The following NALCN variants were observed in gnomAD, a reference collection of about 807,000 sequenced individuals.
NALCN encodes the protein sodium leak channel NALCN.
Under a neutral mutation model 225.3 loss-of-function variants are expected in NALCN, and 111 were observed. That is an observed-to-expected ratio of 0.49 (90% CI 0.42 to 0.58). The LOEUF (loss-of-function observed/expected upper bound fraction) is 0.58. Ranked by LOEUF, NALCN falls within the 20% of genes least tolerant of loss-of-function variation. The probability of loss-of-function intolerance (pLI) is 0.00; values close to 1 mark genes in which losing one functional copy is unlikely to be tolerated. For synonymous variants in NALCN, 764 were observed against 769.0 expected (o/e 0.99, Z 0.11); for missense variants, 1,378 against 2,202.4 (o/e 0.63, Z 7.49).
At chr13:101,245,304 T>C (rs1367549150) in intron 11 of NALCN, among the ~76,000 whole-genome samples, 1 of 152,236 alleles carries the variant, frequency 6.6e-6, no homozygotes, top group Non-Finnish European at 1.5e-5. Context: ...ACTTTTCTTT[T>C]TTTTTGCATT....
intron 17 of NALCN, among the ~76,000 whole-genome samples, chr13:101,138,729 C>T (rs530550338): frequency 3.9e-5 from 6 of 152,292 alleles, no homozygotes; most frequent in East Asian, 3.9e-4. Context: ...TGTCTCACTT[C>T]GGAGAACAGA....
In NALCN at chr13:101,065,525, G is replaced by A. The variant is rs1485549287; in HGVS notation, c.4483C>T (p.Arg1495Trp). 3 of 1,613,980 alleles carry A rather than the reference G, an allele frequency of 1.9e-6. No individual in the cohort carries two copies. Among genetic ancestry groups the A allele is most frequent in the Admixed American group, 1.7e-5 (1 of 60,004 alleles). The change falls in exon 40 of 44, where the codon CGG becomes TGG. Residue 1495 changes from arginine to tryptophan, a missense_variant. By Grantham distance (101) the Arg-to-Trp change is moderately radical. Transcript: ENST00000251127. ...ACCTCCAGCCTCCCACGCAGTAGCC[G>A]CAGCAGGAACTTGACGCGGAACGTG... ...IPTFRVKFLL[R>W]LLRGRLEVDL...
chr13:101,073,782 G>T, intron 36 of NALCN, 105 bp from the exon 37 acceptor site: 1 of 919,216 alleles, frequency 1.1e-6, no homozygotes, highest in East Asian at 2.6e-5. Flanking sequence ...TAGCAAATTT[G>T]GTTGCTAAGT....
intron 6 of NALCN, among the ~76,000 whole-genome samples, chr13:101,367,018 T>C (rs1174172175): frequency 6.6e-6 from 1 of 152,152 alleles, no homozygotes; most frequent in Non-Finnish European, 1.5e-5. Flanking sequence ...CACATATGCG[T>C]GAGATCATGC....
chr13:101,216,430 C>G (rs1012335117), intron 13 of NALCN, among the ~76,000 whole-genome samples: 62 of 152,034 alleles, frequency 4.1e-4, no homozygotes, highest in African/African-American at 1.4e-3. Context: ...GGACAGAGAT[C>G]AGGAAGAGGC....
chr13:101,257,009 C>T (rs538644530), intron 11 of NALCN, among the ~76,000 whole-genome samples: 7 of 152,050 alleles, frequency 4.6e-5, no homozygotes, highest in African/African-American at 7.2e-5. Context: ...GTGATCCACC[C>T]GCCTTGGCCT....
At chr13:101,153,763 T>TA (rs2037769341) in intron 15 of NALCN, among the ~76,000 whole-genome samples, 1 of 152,216 alleles carries the variant, frequency 6.6e-6, no homozygotes. Context: ...CTTTCTGTCT[T>TA]AGTTTTTTCC....
At chr13:101,226,235 C>T (rs2140123180) in intron 13 of NALCN, among the ~76,000 whole-genome samples, 1 of 152,246 alleles carries the variant, frequency 6.6e-6, no homozygotes. Flanking sequence ...AACACGCCAA[C>T]CCTGAGACAG....
At chr13:101,390,119 C>T (rs893752729) in intron 3 of NALCN, among the ~76,000 whole-genome samples, 3 of 151,760 alleles carry the variant, frequency 2.0e-5, no homozygotes, top group African/African-American at 7.3e-5. Flanking sequence ...AATACATAAA[C>T]GTATAAACAG....
At chr13:101,129,413 C>T (rs1490383391) in intron 17 of NALCN, among the ~76,000 whole-genome samples, 1 of 152,140 alleles carries the variant, frequency 6.6e-6, no homozygotes, top group Non-Finnish European at 1.5e-5. Flanking sequence ...CTCTACTGTG[C>T]TCATTGGGAG....
intron 18 of NALCN, among the ~76,000 whole-genome samples, chr13:101,115,402 T>A (rs779628558): frequency 4.3e-4 from 65 of 152,332 alleles, no homozygotes; most frequent in Admixed American, 9.8e-4. Context: ...TTTCTTTAAC[T>A]GGAGATCAGA....
chr13:101,062,209 A>T, intron 40 of NALCN, 91 bp from the exon 41 acceptor site: 1 of 1,428,322 alleles, frequency 7.0e-7, no homozygotes, highest in East Asian at 2.4e-5. Flanking sequence ...GACATCACTC[A>T]GTCTAATAAG....
upstream of NALCN, among the ~76,000 whole-genome samples, chr13:101,416,751 C>CTCAT (rs1424386441): frequency 6.6e-6 from 1 of 151,590 alleles, no homozygotes; most frequent in African/African-American, 2.4e-5. Context: ...CAGCTAGGCT[C>CTCAT]TCATCTGCGA....
intron 13 of NALCN, among the ~76,000 whole-genome samples, chr13:101,219,276 G>GC (rs1226815062): frequency 6.6e-6 from 1 of 152,148 alleles, no homozygotes; most frequent in Non-Finnish European, 1.5e-5. Flanking sequence ...CAAAGTGTTT[G>GC]CAACGGAATT....
chr13:101,178,322 C>G (rs901568076), intron 14 of NALCN, among the ~76,000 whole-genome samples: 1 of 152,110 alleles, frequency 6.6e-6, no homozygotes, highest in African/African-American at 2.4e-5. Flanking sequence ...CATGTTTCCT[C>G]TCTCTCTAGT....
At chr13:101,129,638 G>A (rs76000505) in intron 17 of NALCN, among the ~76,000 whole-genome samples, 2,877 of 151,976 alleles carry the variant, frequency 0.019, 102 homozygotes, top group African/African-American at 0.067. Context: ...GATGCTCACT[G>A]CTATGGAGTT....
chr13:101,118,972 T>C (rs758722619), intron 18 of NALCN, among the ~76,000 whole-genome samples: 2 of 152,186 alleles, frequency 1.3e-5, no homozygotes, highest in African/African-American at 2.4e-5. Flanking sequence ...AGAGAAATAA[T>C]ATGACCTTAT....
chr13:101,143,929 T>C (rs1317751963), intron 16 of NALCN, among the ~76,000 whole-genome samples: 7 of 152,238 alleles, frequency 4.6e-5, no homozygotes, highest in Admixed American at 3.3e-4. Context: ...CTTCAAAGCA[T>C]AACGAAAATT....
intron 15 of NALCN, among the ~76,000 whole-genome samples, chr13:101,166,924 C>T (rs2038467845): frequency 6.6e-6 from 1 of 152,148 alleles, no homozygotes; most frequent in Admixed American, 6.5e-5. Flanking sequence ...AAACTTCATT[C>T]TTTTGTGTGT....
Sources: gnomAD v4.1 joint callset for allele counts (sites outside exome capture counted in the v4.1 genomes callset) on GRCh38, gnomAD v4.1.1 for gene constraint, MANE v1.5 for transcripts, NCBI Gene and HGNC (gene_info 2026-07-23, HGNC 2026-07-21) for gene names.